Variants in OPCML observed in about 807,000 individuals in gnomAD.
OPCML encodes the protein opioid-binding protein/cell adhesion molecule.
A neutral mutation model predicts 37.8 loss-of-function variants in OPCML; 13 were observed. The observed-to-expected ratio is 0.34, with a 90% confidence interval of 0.22 to 0.55. OPCML has a LOEUF of 0.55. OPCML is among the 20% of genes least tolerant of loss of function. The pLI is 0.91. For missense variants in OPCML, 341 were observed against 435.6 expected, an observed-to-expected ratio of 0.78 and a Z score of 1.93; for synonymous variants, 176 against 168.8, an observed-to-expected ratio of 1.04 and a Z score of -0.33.
At chr11:132,816,004 C>T (rs1381393784) in intron 2 of OPCML, among the ~76,000 whole-genome samples, 4 of 152,132 alleles carry the variant, frequency 2.6e-5, no homozygotes, top group Non-Finnish European at 5.9e-5. Context: ...TTTTTCTCTA[C>T]ATAAAATAGG....
chr11:133,022,801 C>T (rs574210177), intron 1 of OPCML, among the ~76,000 whole-genome samples: 56 of 152,302 alleles, frequency 3.7e-4, no homozygotes, highest in Non-Finnish European at 5.4e-4. Context: ...CTAACCTAAA[C>T]TAATCCTTCC....
At chr11:132,686,473 TG>T (rs1248229318) in intron 2 of OPCML, among the ~76,000 whole-genome samples, 1 of 152,248 alleles carries the variant, frequency 6.6e-6, no homozygotes, top group Non-Finnish European at 1.5e-5. Flanking sequence ...TTGATTCAAT[TG>T]AAGAAATGCT....
chr11:133,128,638 C>T (rs916540428), intron 1 of OPCML, among the ~76,000 whole-genome samples: 123 of 152,260 alleles, frequency 8.1e-4, no homozygotes, highest in African/African-American at 2.9e-3. Flanking sequence ...CATAGCTTGG[C>T]GTAAGCAGCC....
chr11:133,265,116 T>C (rs926139176), intron 1 of OPCML, among the ~76,000 whole-genome samples: 2 of 152,182 alleles, frequency 1.3e-5, no homozygotes, highest in African/African-American at 2.4e-5. Context: ...AGTCCAGTTC[T>C]GTGACCAGCT....
chr11:132,616,117 C>G (rs1160608328), intron 3 of OPCML, among the ~76,000 whole-genome samples: 1 of 152,148 alleles, frequency 6.6e-6, no homozygotes, highest in Admixed American at 6.5e-5. Flanking sequence ...TCAATAAAAA[C>G]TTTTTTTGTA....
rs959417844 is a variant in OPCML at position 133,205,220 on chromosome 11, G to T, written c.62-262210C>A. ...CTTTGATAAAAAACCCAAAAGGCAG[G>T]GTTTGAAGAGCTTCTGGTTGCTGAA... On this transcript the variant is annotated intron_variant, in intron 1 of 7. Transcript: ENST00000524381. The surrounding 1 kb of genome is among the most constrained non-coding windows in gnomAD (Gnocchi z 4.8). 6.6e-6 allele frequency among the ~76,000 whole-genome samples: 1 copy of T among 152,006 alleles called. No individual in the cohort carries two copies. The highest frequency in any genetic ancestry group is 6.6e-5 in the Admixed American group (1 of 15,266).
intron 1 of OPCML, among the ~76,000 whole-genome samples, chr11:133,375,798 C>A (rs756107469): frequency 6.6e-6 from 1 of 152,260 alleles, no homozygotes; most frequent in South Asian, 2.1e-4. Flanking sequence ...GGTGTCTGTG[C>A]GTTCCCACAA....
At chr11:132,904,363 C>A (rs751427361) in intron 2 of OPCML, among the ~76,000 whole-genome samples, 2 of 152,116 alleles carry the variant, frequency 1.3e-5, no homozygotes, top group Non-Finnish European at 2.9e-5. Context: ...ATAAAAAAAT[C>A]TAAATAACAA....
chr11:132,502,394 G>A (rs1446105994), intron 4 of OPCML, among the ~76,000 whole-genome samples: 1 of 152,144 alleles, frequency 6.6e-6, no homozygotes, highest in African/African-American at 2.4e-5. Context: ...CTCCTGGCCA[G>A]CACCAATGTG....
At chr11:133,191,504 G>GGT (rs56143154) in intron 1 of OPCML, among the ~76,000 whole-genome samples, 60,959 of 142,066 alleles carry the variant, frequency 0.43, 13,067 homozygotes, top group Middle Eastern at 0.55. Context: ...TGTGTGTGTG[G>GGT]GTGTGTGTGT....
intron 2 of OPCML, among the ~76,000 whole-genome samples, chr11:132,770,134 C>T (rs1486824162): frequency 2.0e-5 from 3 of 152,078 alleles, no homozygotes; most frequent in Non-Finnish European, 4.4e-5. Context: ...TATCAAATAT[C>T]GCATAATTAT....
chr11:133,297,694 T>C (rs1413047498), intron 1 of OPCML: 1 of 152,240 alleles, frequency 6.6e-6, no homozygotes, highest in Non-Finnish European at 1.5e-5. Flanking sequence ...AATGGGTTTT[T>C]AGCCAGGAAT....
intron 3 of OPCML, among the ~76,000 whole-genome samples, chr11:132,601,941 C>T (rs1268864742): frequency 1.3e-5 from 2 of 152,112 alleles, no homozygotes; most frequent in Non-Finnish European, 2.9e-5. Context: ...GTTACTAATG[C>T]TCTTAATCAT....
intron 1 of OPCML, among the ~76,000 whole-genome samples, chr11:133,120,786 CAGA>C (rs1200143065): frequency 6.6e-6 from 1 of 152,168 alleles, no homozygotes. Flanking sequence ...ACATACATCT[CAGA>C]AGTTTTCCCA....
At chr11:133,085,748 G>A (rs1027789890) in intron 1 of OPCML, among the ~76,000 whole-genome samples, 6 of 152,226 alleles carry the variant, frequency 3.9e-5, no homozygotes, top group African/African-American at 1.2e-4. Flanking sequence ...GAATTTTGAC[G>A]AAGGTCTAAA....
intron 1 of OPCML, among the ~76,000 whole-genome samples, chr11:132,980,691 G>A (rs1359186906): frequency 1.3e-5 from 2 of 152,000 alleles, no homozygotes; most frequent in South Asian, 4.2e-4. Context: ...GTGGTTTCCG[G>A]GCCATCTCTG....
At chr11:133,425,758 T>G (rs557519476) in intron 1 of OPCML, among the ~76,000 whole-genome samples, 2 of 152,158 alleles carry the variant, frequency 1.3e-5, no homozygotes, top group Non-Finnish European at 2.9e-5. Context: ...ATTATAAAAT[T>G]TTCTGTACAT....
chr11:133,385,145 T>C (rs1356421628), intron 1 of OPCML, among the ~76,000 whole-genome samples: 1 of 152,154 alleles, frequency 6.6e-6, no homozygotes, highest in African/African-American at 2.4e-5. Flanking sequence ...GTTGCAGCAC[T>C]GGCTCTGGGG....
At chr11:132,685,109 T>C (rs1340902127) in intron 2 of OPCML, among the ~76,000 whole-genome samples, 2 of 152,242 alleles carry the variant, frequency 1.3e-5, no homozygotes, top group African/African-American at 2.4e-5. Flanking sequence ...TTTAAATGGC[T>C]ATCTTTGGAT....
Sources: gnomAD v4.1 joint callset for allele counts (sites outside exome capture counted in the v4.1 genomes callset) on GRCh38, gnomAD v4.1.1 for gene constraint, Gnocchi (gnomAD v3.1) non-coding constraint, MANE v1.5 for transcripts, NCBI Gene and HGNC (gene_info 2026-07-23, HGNC 2026-07-21) for gene names.